FILIP1L: variants seen among roughly 807,000 people sequenced by gnomAD.
FILIP1L encodes filamin A-interacting protein 1-like.
Under a neutral mutation model 96.6 loss-of-function variants are expected in FILIP1L, and 55 were observed. The ratio of observed to expected loss-of-function variants is 0.57; its 90% CI spans 0.46 to 0.71. FILIP1L has a LOEUF of 0.71. FILIP1L is among the 30% of genes least tolerant of loss of function. The pLI, the probability that FILIP1L is intolerant of heterozygous loss-of-function variation, is 0.00. For missense variants in FILIP1L, 1,304 were observed against 1,321.2 expected (o/e 0.99, Z 0.20); for synonymous variants, 467 against 473.9 (o/e 0.99, Z 0.19).
chr3:99,926,709 G>A (rs1707303760), intron 3 of FILIP1L, among the ~76,000 whole-genome samples: 1 of 152,150 alleles, frequency 6.6e-6, no homozygotes, highest in Non-Finnish European at 1.5e-5. Context: ...GTATTTCCTT[G>A]GAGAGCTTGT....
intron 1 of FILIP1L, among the ~76,000 whole-genome samples, chr3:100,111,310 T>C (rs1337329768): frequency 1.3e-5 from 2 of 152,180 alleles, no homozygotes; most frequent in Non-Finnish European, 2.9e-5. Context: ...AGTACTCATG[T>C]TGAAAATGCA....
intron 1 of FILIP1L, among the ~76,000 whole-genome samples, chr3:99,977,200 G>A (rs879435584): frequency 6.6e-6 from 1 of 152,208 alleles, no homozygotes; most frequent in Admixed American, 6.5e-5. Context: ...TGGAGGAACA[G>A]ACAGGCAGCA....
At chr3:100,091,297 A>G (rs908305309) in intron 1 of FILIP1L, among the ~76,000 whole-genome samples, 6 of 151,902 alleles carry the variant, frequency 3.9e-5, no homozygotes, top group South Asian at 2.1e-4. Flanking sequence ...AAAAAAAAAA[A>G]AAAAAGAAAA....
In FILIP1L at chr3:100,049,521, A is replaced by G. The variant is rs572027091; in HGVS notation, c.-11+64532T>C. Among the ~76,000 whole-genome samples, 3 of 152,324 alleles carry G rather than the reference A, an allele frequency of 2.0e-5. No individual in the cohort carries two copies. The South Asian group carries it at 6.2e-4, about 32-fold the overall frequency. On this transcript the variant is annotated intron_variant, in intron 1 of 5. Coordinates refer to ENST00000477258, the MANE Select transcript of FILIP1L (RefSeq NM_001387850.1). ...CTTCCAAAACATATGCAGTACAGAA[A>G]ATTAAAATAATTCATTGAGGGAATA...
intron 4 of FILIP1L, among the ~76,000 whole-genome samples, chr3:99,862,866 A>G (rs1383151796): frequency 1.3e-5 from 2 of 152,214 alleles, no homozygotes; most frequent in African/African-American, 2.4e-5. Flanking sequence ...CCTTCCTGGA[A>G]GAGAATGATG....
intron 1 of FILIP1L, among the ~76,000 whole-genome samples, chr3:100,066,517 CTTTTTTTTTTTTTTTTTTTTT>C (rs545356638): frequency 5.2e-5 from 2 of 38,306 alleles, no homozygotes; most frequent in African/African-American, 2.3e-4. Context: ...GGCTTTGCTT[CTTTTTTTTTTTTTTTTTTTTT>C]TTTTTTTTTT....
At chr3:100,015,081 A>T (rs556591884) in intron 1 of FILIP1L, among the ~76,000 whole-genome samples, 53 of 151,534 alleles carry the variant, frequency 3.5e-4, no homozygotes, top group African/African-American at 1.3e-3. Context: ...ATTGTACGAG[A>T]TAAGGGTCTA....
At chr3:100,063,001 A>C (rs984611348) in intron 1 of FILIP1L, among the ~76,000 whole-genome samples, 2 of 152,246 alleles carry the variant, frequency 1.3e-5, no homozygotes, top group Non-Finnish European at 2.9e-5. Flanking sequence ...TGACACATAA[A>C]GGCAAAATTT....
chr3:100,013,258 GTTT>G (rs1710219280), intron 1 of FILIP1L, among the ~76,000 whole-genome samples: 1 of 149,704 alleles, frequency 6.7e-6, no homozygotes, highest in East Asian at 2.0e-4. Context: ...TGTTGTTGTT[GTTT>G]GAGATGGAGT....
intron 1 of FILIP1L, among the ~76,000 whole-genome samples, chr3:100,052,056 T>G (rs1290097911): frequency 1.3e-5 from 2 of 152,002 alleles, no homozygotes; most frequent in East Asian, 3.8e-4. Context: ...TGATCTATAT[T>G]ATTATGTCAT....
At chr3:99,886,066 A>T (rs1705884672) in intron 4 of FILIP1L, among the ~76,000 whole-genome samples, 1 of 152,256 alleles carries the variant, frequency 6.6e-6, no homozygotes, top group South Asian at 2.1e-4. Context: ...TCCTTTCTAT[A>T]TCAAGGAAGG....
At chr3:100,109,337 T>A (rs2066448889) in intron 1 of FILIP1L, among the ~76,000 whole-genome samples, 1 of 152,136 alleles carries the variant, frequency 6.6e-6, no homozygotes, top group Non-Finnish European at 1.5e-5. Context: ...AAGGTATGCT[T>A]TACATATAGT....
chr3:99,928,708 A>T (rs1044191630), intron 3 of FILIP1L, among the ~76,000 whole-genome samples: 1 of 152,224 alleles, frequency 6.6e-6, no homozygotes, highest in African/African-American at 2.4e-5. Flanking sequence ...GGTTATGTTC[A>T]GAGATCATTA....
At chr3:100,018,192 G>A (rs1710400578) in intron 1 of FILIP1L, among the ~76,000 whole-genome samples, 1 of 152,160 alleles carries the variant, frequency 6.6e-6, no homozygotes, top group African/African-American at 2.4e-5. Flanking sequence ...CGGGCGTGGT[G>A]GCATGTCCCT....
At chr3:100,102,179 C>T (rs1250169919) in intron 1 of FILIP1L, among the ~76,000 whole-genome samples, 8 of 152,152 alleles carry the variant, frequency 5.3e-5, no homozygotes, top group African/African-American at 1.7e-4. Flanking sequence ...AGTTCTAGAT[C>T]CCTGAGGAAT....
At chr3:99,996,772 G>A (rs1313069417) in intron 1 of FILIP1L, among the ~76,000 whole-genome samples, 2 of 151,996 alleles carry the variant, frequency 1.3e-5, no homozygotes, top group East Asian at 3.9e-4. Context: ...ACTACCATGA[G>A]AACAGTATGG....
intron 1 of FILIP1L, among the ~76,000 whole-genome samples, chr3:100,022,351 G>A (rs1239107413): frequency 6.6e-6 from 1 of 152,150 alleles, no homozygotes; most frequent in Non-Finnish European, 1.5e-5. Context: ...GCTTCACCTG[G>A]CCTGTGCATT....
intron 1 of FILIP1L, among the ~76,000 whole-genome samples, chr3:100,012,002 A>C (rs1055118189): frequency 1.3e-5 from 2 of 152,212 alleles, no homozygotes; most frequent in Non-Finnish European, 2.9e-5. Context: ...TAATTCCCAT[A>C]TCAATTATCA....
At chr3:99,896,017 C>T (rs183845080) in intron 4 of FILIP1L, among the ~76,000 whole-genome samples, 1 of 152,220 alleles carries the variant, frequency 6.6e-6, no homozygotes, top group African/African-American at 2.4e-5. Flanking sequence ...CTGCAGGGAA[C>T]TGCCACGGTT....
Sources: allele counts gnomAD v4.1 joint callset (sites outside exome capture counted in the v4.1 genomes callset), GRCh38; gene constraint gnomAD v4.1.1; transcripts MANE v1.5; gene names NCBI Gene and HGNC (gene_info 2026-07-23, HGNC 2026-07-21).